UBASH3B: variants seen among roughly 807,000 people sequenced by gnomAD.
UBASH3B encodes ubiquitin associated and SH3 domain containing B.
In UBASH3B, 37 loss-of-function variants were observed where a neutral mutation model predicts 83.4. That is an observed-to-expected ratio of 0.44 (90% CI 0.34 to 0.58). The LOEUF (loss-of-function observed/expected upper bound fraction) is 0.58, where lower values mean the gene tolerates loss of function less well. Among genes scored for constraint, UBASH3B ranks in the 20% least tolerant of loss-of-function variants. UBASH3B has a pLI of 0.01. For synonymous variants in UBASH3B, 304 were observed against 318.3 expected (o/e 0.96, Z 0.48); for missense variants, 657 against 827.2 (o/e 0.79, Z 2.52).
At chr11:122,728,240 G>A (rs187778031) in intron 1 of UBASH3B, among the ~76,000 whole-genome samples, 33 of 150,194 alleles carry the variant, frequency 2.2e-4, no homozygotes, top group Admixed American at 5.3e-4. Flanking sequence ...GGAATATTTA[G>A]CCGTCCACGT....
chr11:122,778,066 A>G (rs2135143047), intron 3 of UBASH3B, among the ~76,000 whole-genome samples: 1 of 152,274 alleles, frequency 6.6e-6, no homozygotes, highest in Admixed American at 6.5e-5. Context: ...ACTATCACAC[A>G]TGTAAATACA....
chr11:122,659,492 G>A (rs575515544), intron 1 of UBASH3B, among the ~76,000 whole-genome samples: 12 of 152,238 alleles, frequency 7.9e-5, no homozygotes, highest in Admixed American at 1.3e-4. Context: ...TGATGTGGTC[G>A]GCCTTCCCCC....
At chr11:122,804,646 T>C (rs888557103) in intron 11 of UBASH3B, among the ~76,000 whole-genome samples, 1 of 152,068 alleles carries the variant, frequency 6.6e-6, no homozygotes, top group African/African-American at 2.4e-5. Flanking sequence ...ACCGAAGAAA[T>C]GCAAGCAGGA....
intron 1 of UBASH3B, among the ~76,000 whole-genome samples, chr11:122,664,148 G>A (rs1385475483): frequency 6.6e-6 from 1 of 152,182 alleles, no homozygotes; most frequent in East Asian, 1.9e-4. Context: ...ACTGCATTCT[G>A]CTCTCTGTGC....
At chr11:122,780,542 A>G (rs1435454380) in intron 4 of UBASH3B, among the ~76,000 whole-genome samples, 1 of 152,250 alleles carries the variant, frequency 6.6e-6, no homozygotes, top group African/African-American at 2.4e-5. Flanking sequence ...ACCTACTATG[A>G]GGATTTCTCC....
intron 1 of UBASH3B, among the ~76,000 whole-genome samples, chr11:122,747,082 G>A (rs2135964933): frequency 6.6e-6 from 1 of 152,324 alleles, no homozygotes. Context: ...GGTGGGGGTG[G>A]TCACCGGAGA....
At chr11:122,776,379 A>G (rs1860734841) in intron 2 of UBASH3B, 107 bp downstream of exon 2, 3 of 1,041,024 alleles carry the variant, frequency 2.9e-6, no homozygotes, top group East Asian at 5.4e-5. Flanking sequence ...TCCAGAAGAG[A>G]CAGGAGCCAA....
chr11:122,704,027 G>A (rs765174655), intron 1 of UBASH3B, among the ~76,000 whole-genome samples: 8 of 152,212 alleles, frequency 5.3e-5, no homozygotes, highest in Non-Finnish European at 8.8e-5. Flanking sequence ...ACTTGGACTC[G>A]GAAACCAACC....
chr11:122,809,370 C>G (rs1008183484), intron 13 of UBASH3B, among the ~76,000 whole-genome samples: 1 of 152,216 alleles, frequency 6.6e-6, no homozygotes, highest in Non-Finnish European at 1.5e-5. Flanking sequence ...CCACTGTGCC[C>G]GGCCTTGAGC....
chr11:122,675,405 G>A (rs1488414756), intron 1 of UBASH3B, among the ~76,000 whole-genome samples: 2 of 152,180 alleles, frequency 1.3e-5, no homozygotes, highest in Admixed American at 6.5e-5. Flanking sequence ...AAGGTGACGC[G>A]GATGCTCAGC....
intron 5 of UBASH3B, among the ~76,000 whole-genome samples, chr11:122,786,999 C>G (rs375393360): frequency 3.1e-4 from 47 of 152,154 alleles, no homozygotes; most frequent in African/African-American, 1.0e-3. Context: ...GCTCCCCCCC[C>G]ACCGCCCCAC....
chr11:122,776,969 T>C, intron 2 of UBASH3B, 55 bp from the exon 3 acceptor site: 2 of 1,491,182 alleles, frequency 1.3e-6, no homozygotes, highest in Non-Finnish European at 1.8e-6. Flanking sequence ...TCAGTTCTTT[T>C]TTCCCCTCCC....
chr11:122,728,365 C>T (rs1860781849), intron 1 of UBASH3B, among the ~76,000 whole-genome samples: 1 of 152,168 alleles, frequency 6.6e-6, no homozygotes, highest in South Asian at 2.1e-4. Flanking sequence ...TGTCCTAGGA[C>T]CACTCTTTAT....
chr11:122,789,122 A>G lies in UBASH3B; in HGVS notation c.794A>G (p.Tyr265Cys). 6.2e-7 allele frequency: 1 copy of G among 1,613,442 alleles called. No individual in the cohort carries two copies. The highest frequency in any genetic ancestry group is 8.5e-7 in the Non-Finnish European group (1 of 1,179,958). The change falls in exon 6 of 14, where the codon TAT becomes TGT. Residue 265 changes from tyrosine (Y) to cysteine (C), a missense_variant. Physicochemically the swap from Tyr to Cys is radical, Grantham distance 194. Transcript: ENST00000284273. ...NHETLQVIYP[Y>C]TPQNDDELEL... Reference sequence around the variant, plus strand: ...CAGACATTACAGGTCATCTACCCCTATACCCCACAAAATGACGATGAGCTG... The same window carrying G: ...CAGACATTACAGGTCATCTACCCCTGTACCCCACAAAATGACGATGAGCTG...
Position 122,806,264 on chromosome 11 carries a change from A to G in UBASH3B, c.1596-146A>G. 1 of 665,600 alleles carries G rather than the reference A, an allele frequency of 1.5e-6. No individual in the cohort carries two copies. Among genetic ancestry groups the G allele is most frequent in the Non-Finnish European group, 2.5e-6 (1 of 395,478 alleles). The allele number at this position is 665,600 out of a possible 1,614,324, so 41.2% of individuals were successfully genotyped here. On this transcript the variant is annotated intron_variant, in intron 11 of 13. Coordinates refer to ENST00000284273, the MANE Select transcript of UBASH3B (RefSeq NM_032873.5). The surrounding 1 kb of genome is among the most constrained non-coding windows in gnomAD (Gnocchi z 4.0). ...TCATATAGTAGAAATGCTGTTCCCTATACCTTTCTCCTTTCTAGGGAAATG... is the reference window on the plus strand; with the variant it reads ...TCATATAGTAGAAATGCTGTTCCCTGTACCTTTCTCCTTTCTAGGGAAATG...
intron 1 of UBASH3B, among the ~76,000 whole-genome samples, chr11:122,662,360 G>T (rs893913930): frequency 3.3e-5 from 5 of 151,722 alleles, no homozygotes; most frequent in Non-Finnish European, 5.9e-5. Context: ...AGTTTCGTTT[G>T]TACCCCTTTG....
At chr11:122,697,819 A>G (rs1863981730) in intron 1 of UBASH3B, among the ~76,000 whole-genome samples, 1 of 152,200 alleles carries the variant, frequency 6.6e-6, no homozygotes. Context: ...AATAAAGAAA[A>G]GAGGAAGCAG....
At chr11:122,781,630 C>A (rs1436542097) in intron 4 of UBASH3B, among the ~76,000 whole-genome samples, 6 of 152,344 alleles carry the variant, frequency 3.9e-5, no homozygotes, top group Non-Finnish European at 8.8e-5. Context: ...GATGACCCTG[C>A]GCAGCTTAGC....
At chr11:122,745,995 C>T (rs1452862574) in intron 1 of UBASH3B, among the ~76,000 whole-genome samples, 2 of 152,186 alleles carry the variant, frequency 1.3e-5, no homozygotes, top group South Asian at 2.1e-4. Context: ...CACTGAAGTT[C>T]CCAGAGCCTG....
Sources: allele counts gnomAD v4.1 joint callset (sites outside exome capture counted in the v4.1 genomes callset), GRCh38; gene constraint gnomAD v4.1.1; non-coding constraint Gnocchi (gnomAD v3.1); transcripts MANE v1.5; gene names NCBI Gene and HGNC (gene_info 2026-07-23, HGNC 2026-07-21).